ERAP1: variants seen among roughly 807,000 people sequenced by gnomAD.
ERAP1 encodes the protein adipocyte-derived leucine aminopeptidase.
A neutral mutation model predicts 103.7 loss-of-function variants in ERAP1; 86 were observed. That is an observed-to-expected ratio of 0.83 (90% CI 0.70 to 0.99). ERAP1 has a LOEUF of 0.99. Ranked by LOEUF, ERAP1 falls within the 50% of genes least tolerant of loss-of-function variation. The pLI, the probability that ERAP1 is intolerant of heterozygous loss-of-function variation, is 0.00. For missense variants in ERAP1, 1,009 were observed against 1,128.4 expected, an observed-to-expected ratio of 0.89 and a Z score of 1.52; for synonymous variants, 398 against 402.4, an observed-to-expected ratio of 0.99 and a Z score of 0.13.
the ERAP1 span, among the ~76,000 whole-genome samples, chr5:96,903,130 C>A: frequency 4.6e-5 from 7 of 152,132 alleles, no homozygotes; most frequent in African/African-American, 1.7e-4. Flanking sequence ...CTTAGACCTG[C>A]ATAGACAATT....
At position 96,775,147 on chromosome 5, in the gene ERAP1, T is replaced by TTGAC. The variant is rs749449826; in HGVS notation, c.*1245_*1248dup. The TTGAC allele has an allele frequency of 2.0e-4, 200 of 985,414 alleles. No homozygotes were observed. Among genetic ancestry groups the TTGAC allele is most frequent in the Non-Finnish European group, 2.4e-4 (198 of 829,928 alleles). 61.0% of individuals were successfully genotyped at this position (985,414 alleles called of 1,614,324 possible). ...TCTAATTCTTAGGGTATTAACTGAC[T>TTGAC]TGACTTGAACTCCGTTGGTTTACCA... On this transcript the variant is annotated 3_prime_UTR_variant, in exon 19 of 19. Transcript: ENST00000443439.
At chr5:96,872,825 A>T in the ERAP1 span, among the ~76,000 whole-genome samples, 1 of 152,196 alleles carries the variant, frequency 6.6e-6, no homozygotes, top group African/African-American at 2.4e-5. Flanking sequence ...AATTTTTTAA[A>T]AAATGAAGTC....
At chr5:96,904,969 T>C in the ERAP1 span, among the ~76,000 whole-genome samples, 1 of 151,974 alleles carries the variant, frequency 6.6e-6, no homozygotes, top group Non-Finnish European at 1.5e-5. Flanking sequence ...TTTTTTGAGC[T>C]TGGACAAGTT....
chr5:96,906,735 A>C, the ERAP1 span, among the ~76,000 whole-genome samples: 1 of 152,212 alleles, frequency 6.6e-6, no homozygotes, highest in East Asian at 1.9e-4. Flanking sequence ...CCCACACCTT[A>C]AAGAGAAAAC....
rs1774050035 is a variant in ERAP1 at position 96,775,464 on chromosome 5, T to G, written c.*932A>C. On this transcript the variant is annotated 3_prime_UTR_variant, in exon 19 of 19. Coordinates refer to ENST00000443439, the MANE Select transcript of ERAP1 (RefSeq NM_001040458.3). ...AAAAATCACCTCCCTAAGAAAAGGGTTTTCCTACAGACTTGAATGCACTCT... is the reference window on the plus strand; with the variant it reads ...AAAAATCACCTCCCTAAGAAAAGGGGTTTCCTACAGACTTGAATGCACTCT... 1 of 985,186 alleles carries G rather than the reference T, an allele frequency of 1.0e-6. No homozygotes were observed. Among genetic ancestry groups the G allele is most frequent in the Non-Finnish European group, 1.2e-6 (1 of 829,888 alleles). 61.0% of individuals were successfully genotyped at this position (985,186 alleles called of 1,614,324 possible). A position where few individuals can be genotyped will look rare whatever the true frequency, so the allele number is the denominator to read the frequency against.
the ERAP1 span, among the ~76,000 whole-genome samples, chr5:96,826,570 T>C: frequency 1.3e-5 from 2 of 152,200 alleles, no homozygotes; most frequent in Non-Finnish European, 2.9e-5. Context: ...GAGCCACAAA[T>C]GGGTGTCGTG....
chr5:96,869,127 C>G, the ERAP1 span, among the ~76,000 whole-genome samples: 1 of 151,148 alleles, frequency 6.6e-6, no homozygotes. Flanking sequence ...TGGTTGGCTA[C>G]TAGATGACAC....
At chr5:96,891,387 G>A in the ERAP1 span, among the ~76,000 whole-genome samples, 1 of 147,048 alleles carries the variant, frequency 6.8e-6, no homozygotes, top group African/African-American at 2.6e-5. Context: ...ATATATATAT[G>A]TGTATACATA....
intron 1 of ERAP1, among the ~76,000 whole-genome samples, chr5:96,807,619 C>T (rs1198771165): frequency 3.3e-5 from 5 of 152,140 alleles, no homozygotes; most frequent in Non-Finnish European, 7.4e-5. Context: ...GGGCACCCCG[C>T]GGACTCGGGC....
rs751310872 is a variant in ERAP1, at chr5:96,803,456, C to T, written c.471G>A (p.Glu157=). The T allele has an allele frequency of 1.2e-6, 2 of 1,613,076 alleles. No homozygotes were observed. The highest frequency in any genetic ancestry group is 1.7e-6 in the Non-Finnish European group (2 of 1,179,786). ...TGCTTTTGTAAAATCCGTGGAAAGT[C>T]TCCGAAAGATTGCCAGCATAGTGAA... ...VVIHYAGNLS[E]TFHGFYKSTY... is the part of the protein sequence containing the mutation. The change falls in exon 2 of 19, where the codon GAG becomes GAA. Residue 157 remains glutamate, a synonymous_variant. Transcript: ENST00000443439.
chr5:96,891,535 TACACACACACACACACACACACACACAC>T, the ERAP1 span, among the ~76,000 whole-genome samples: 1 of 138,990 alleles, frequency 7.2e-6, no homozygotes, highest in Non-Finnish European at 1.5e-5. Context: ...ACGGTATATA[TACACACACACACACACACACACACACAC>T]ATATATGGTA....
At chr5:96,812,625 A>G (rs1440807008), upstream of ERAP1, among the ~76,000 whole-genome samples, 1 of 152,258 alleles carries the variant, frequency 6.6e-6, no homozygotes, top group Non-Finnish European at 1.5e-5. Context: ...TATAATGAAT[A>G]TCTGTTGCAA....
At chr5:96,794,057 T>G (rs1342945627) in intron 5 of ERAP1, 100 bp from the exon 6 acceptor site, 28 of 1,173,050 alleles carry the variant, frequency 2.4e-5, no homozygotes, top group Non-Finnish European at 3.6e-5. Flanking sequence ...CAGCTGCCCG[T>G]GCATAATCAT....
At chr5:96,912,276 T>C in the ERAP1 span, among the ~76,000 whole-genome samples, 1 of 147,488 alleles carries the variant, frequency 6.8e-6, no homozygotes, top group African/African-American at 2.5e-5. Flanking sequence ...AAAAAAAAAA[T>C]CTTATAGCAC....
chr5:96,824,776 C>T, the ERAP1 span, among the ~76,000 whole-genome samples: 66 of 152,326 alleles, frequency 4.3e-4, no homozygotes, highest in South Asian at 1.7e-3. Context: ...TGGCCAGGCA[C>T]AGTGGCCCAC....
chr5:96,917,833 G>C, the ERAP1 span: 28 of 235,548 alleles, frequency 1.2e-4, no homozygotes, highest in Non-Finnish European at 1.9e-4. Flanking sequence ...ATAAACCCGG[G>C]AGGTGGAGCT....
At chr5:96,908,211 G>C in the ERAP1 span, among the ~76,000 whole-genome samples, 1 of 152,144 alleles carries the variant, frequency 6.6e-6, no homozygotes, top group South Asian at 2.1e-4. Context: ...TGGGAGTTGG[G>C]TGTTCACAAG....
chr5:96,904,426 T>C, the ERAP1 span, among the ~76,000 whole-genome samples: 1 of 152,214 alleles, frequency 6.6e-6, no homozygotes, highest in Non-Finnish European at 1.5e-5. Flanking sequence ...TGAGTGAAAG[T>C]GACCAGCAGG....
At chr5:96,888,115 A>G in the ERAP1 span, among the ~76,000 whole-genome samples, 2 of 146,312 alleles carry the variant, frequency 1.4e-5, no homozygotes, top group Non-Finnish European at 3.0e-5. Flanking sequence ...CAAGAGTGAG[A>G]CTTCATCTCA....
Sources: allele counts gnomAD v4.1 joint callset (sites outside exome capture counted in the v4.1 genomes callset), GRCh38; gene constraint gnomAD v4.1.1; transcripts MANE v1.5; gene names NCBI Gene and HGNC (gene_info 2026-07-23, HGNC 2026-07-21).